Variants in RANBP17 observed in about 807,000 individuals in gnomAD.
RANBP17 encodes the protein RAN binding protein 17, also known as ran-binding protein 17.
Under a neutral mutation model 141.2 loss-of-function variants are expected in RANBP17, and 158 were observed. That is an observed-to-expected ratio of 1.12 (90% CI 0.98 to 1.28). The LOEUF is 1.28. RANBP17 is among the 50% of genes most tolerant of loss of function. The pLI, the probability that RANBP17 is intolerant of heterozygous loss-of-function variation, is 0.00. For synonymous variants in RANBP17, 430 were observed against 450.0 expected, an observed-to-expected ratio of 0.96 and a Z score of 0.56; for missense variants, 1,438 against 1,290.7, an observed-to-expected ratio of 1.11 and a Z score of -1.75.
chr5:171,101,134 A>G (rs983109210), intron 14 of RANBP17, among the ~76,000 whole-genome samples: 4 of 152,188 alleles, frequency 2.6e-5, no homozygotes, highest in Non-Finnish European at 4.4e-5. Flanking sequence ...TCCAGAGCTG[A>G]GTTCAAGTCC....
intron 25 of RANBP17, among the ~76,000 whole-genome samples, chr5:171,268,376 A>G (rs773357829): frequency 4.6e-5 from 7 of 152,334 alleles, no homozygotes; most frequent in East Asian, 3.9e-4. Context: ...AGAGAGATCA[A>G]CTGGAAAGTG....
intron 14 of RANBP17, among the ~76,000 whole-genome samples, chr5:171,004,907 C>G (rs975728820): frequency 1.4e-4 from 22 of 152,120 alleles, no homozygotes; most frequent in Admixed American, 2.6e-4. Flanking sequence ...CTTGGATGTT[C>G]TAAAGTTCTT....
intron 14 of RANBP17, among the ~76,000 whole-genome samples, chr5:171,015,343 A>G (rs1780352969): frequency 6.6e-6 from 1 of 152,012 alleles, no homozygotes; most frequent in Non-Finnish European, 1.5e-5. Flanking sequence ...TTGTTTCTGT[A>G]TGTACTTTAC....
intron 16 of RANBP17, 102 bp from the exon 17 acceptor site, chr5:171,183,065 T>G (rs2127918979): frequency 9.5e-6 from 6 of 631,218 alleles, no homozygotes; most frequent in East Asian, 2.8e-5. Flanking sequence ...TTATATTTTT[T>G]TATAAGTAGA....
intron 14 of RANBP17, among the ~76,000 whole-genome samples, chr5:171,009,365 T>C (rs1249161123): frequency 6.6e-6 from 1 of 152,190 alleles, no homozygotes; most frequent in African/African-American, 2.4e-5. Context: ...ACTTGTAACT[T>C]TGGGTAAGTT....
intron 14 of RANBP17, among the ~76,000 whole-genome samples, chr5:171,081,489 A>T (rs911688995): frequency 5.3e-5 from 8 of 152,172 alleles, no homozygotes; most frequent in Non-Finnish European, 1.0e-4. Context: ...CGTATCATGT[A>T]GTGTCCTTTG....
rs561238780 is a variant in RANBP17 at position 171,241,685 on chromosome 5, C to G, written c.2637+543C>G. Among the ~76,000 whole-genome samples, 4 of 152,268 alleles carry G rather than the reference C, an allele frequency of 2.6e-5. No individual in the cohort carries two copies. The South Asian group carries it at 8.3e-4, about 32-fold the overall frequency. ...CAGCCATATGTTAAAATCACCTCAT[C>G]AAAGAGTTACTTCACTACAGTTAAA... On this transcript the variant is annotated intron_variant, in intron 23 of 27. Transcript: ENST00000523189.
At chr5:171,202,474 A>G (rs1442704915) in intron 19 of RANBP17, among the ~76,000 whole-genome samples, 13 of 152,206 alleles carry the variant, frequency 8.5e-5, no homozygotes, top group Admixed American at 8.5e-4. Context: ...AAAACTCCAC[A>G]ATGTTAAATT....
chr5:171,200,186 T>C (rs531742905), intron 19 of RANBP17, among the ~76,000 whole-genome samples: 12 of 152,320 alleles, frequency 7.9e-5, no homozygotes, highest in Admixed American at 7.8e-4. Context: ...AACAAGAATT[T>C]ATATAAATCA....
intron 14 of RANBP17, among the ~76,000 whole-genome samples, chr5:170,984,465 A>C (rs1777984184): frequency 6.6e-6 from 1 of 152,054 alleles, no homozygotes; most frequent in African/African-American, 2.4e-5. Flanking sequence ...GTCTCTACAA[A>C]AAATTCTAAA....
intron 14 of RANBP17, among the ~76,000 whole-genome samples, chr5:171,034,986 GT>G (rs1008126715): frequency 2.0e-5 from 3 of 150,752 alleles, no homozygotes; most frequent in East Asian, 3.9e-4. Context: ...CACAGGTTTG[GT>G]TTTTTTTTCT....
At chr5:170,896,409 A>G (rs1034191550) in intron 5 of RANBP17, among the ~76,000 whole-genome samples, 3 of 152,226 alleles carry the variant, frequency 2.0e-5, no homozygotes, top group Non-Finnish European at 4.4e-5. Flanking sequence ...CATATATGTC[A>G]TAATATGCTA....
intron 12 of RANBP17, among the ~76,000 whole-genome samples, chr5:170,936,633 A>G (rs562235473): frequency 1.3e-3 from 205 of 152,312 alleles, no homozygotes; most frequent in Non-Finnish European, 2.3e-3. Context: ...AAGACTTGTC[A>G]TATGACCCAG....
At chr5:171,178,458 G>A (rs1760657851) in intron 16 of RANBP17, among the ~76,000 whole-genome samples, 1 of 152,024 alleles carries the variant, frequency 6.6e-6, no homozygotes, top group African/African-American at 2.4e-5. Context: ...CTTTGCTATT[G>A]TGAATAGTGC....
intron 12 of RANBP17, among the ~76,000 whole-genome samples, chr5:170,930,715 C>T (rs1283902497): frequency 6.6e-6 from 1 of 152,126 alleles, no homozygotes; most frequent in East Asian, 1.9e-4. Context: ...CCAGCTTCAT[C>T]CATGTCCCTA....
intron 14 of RANBP17, among the ~76,000 whole-genome samples, chr5:171,073,877 A>T (rs1784764286): frequency 6.6e-6 from 1 of 152,008 alleles, no homozygotes; most frequent in South Asian, 2.1e-4. Flanking sequence ...TTCAGCAACA[A>T]AATGGGATGT....
At chr5:171,252,124 A>T (rs1179441445) in intron 24 of RANBP17, 1 of 1,593,528 alleles carries the variant, frequency 6.3e-7, no homozygotes, top group Non-Finnish European at 8.6e-7. Context: ...CCTCCCAAGA[A>T]GTTCATCACA....
chr5:171,196,104 A>G (rs568000055), intron 18 of RANBP17, among the ~76,000 whole-genome samples: 75 of 152,212 alleles, frequency 4.9e-4, no homozygotes, highest in Non-Finnish European at 1.5e-4. Flanking sequence ...ATGAATAAAT[A>G]TGTCAATGAA....
chr5:171,143,813 G>A (rs1298607691), intron 14 of RANBP17, among the ~76,000 whole-genome samples: 2 of 152,168 alleles, frequency 1.3e-5, no homozygotes, highest in Admixed American at 1.3e-4. Context: ...ATTTGAACGA[G>A]GTCTTAAAGA....
Sources: gnomAD v4.1 joint callset for allele counts (sites outside exome capture counted in the v4.1 genomes callset) on GRCh38, gnomAD v4.1.1 for gene constraint, MANE v1.5 for transcripts, NCBI Gene and HGNC (gene_info 2026-07-23, HGNC 2026-07-21) for gene names.